The following CUL3 variants were observed in gnomAD, a reference collection of about 807,000 sequenced individuals.
CUL3 encodes the protein cullin 3, also known as cullin-3.
In CUL3, 19 loss-of-function variants were observed where a neutral mutation model predicts 89.1. The observed-to-expected ratio is 0.21, with a 90% CI of 0.15 to 0.31. CUL3 has a LOEUF of 0.31. CUL3 is among the 10% of genes least tolerant of loss of function. CUL3 has a pLI of 1.00. For synonymous variants in CUL3, 351 were observed against 308.4 expected (o/e 1.14, Z -1.45); for missense variants, 469 against 942.3 (o/e 0.50, Z 6.58).
intron 1 of CUL3, among the ~76,000 whole-genome samples, chr2:224,575,981 C>A (rs1028789996): frequency 2.6e-5 from 4 of 152,110 alleles, no homozygotes; most frequent in African/African-American, 7.2e-5. Context: ...AAAATAGAGG[C>A]TAGACATAAT....
At chr2:224,514,821 AATT>A (rs1229088208) in intron 3 of CUL3, 49 bp from the exon 4 acceptor site, 5 of 1,308,082 alleles carry the variant, frequency 3.8e-6, no homozygotes, top group Admixed American at 1.9e-5. Flanking sequence ...TGAGCATAAT[AATT>A]ATTGTGTGCT....
At chr2:224,534,391 T>C (rs1368235000) in intron 3 of CUL3, among the ~76,000 whole-genome samples, 2 of 152,202 alleles carry the variant, frequency 1.3e-5, no homozygotes, top group Non-Finnish European at 2.9e-5. Flanking sequence ...TGCACTGCAA[T>C]AATATACTAT....
chr2:224,497,223 T>C (rs985705799), intron 12 of CUL3, among the ~76,000 whole-genome samples: 12 of 152,100 alleles, frequency 7.9e-5, no homozygotes, highest in African/African-American at 1.9e-4. Flanking sequence ...GTAATGAAAA[T>C]AAATTATTAC....
Position 224,483,721 on chromosome 2 carries a change from C to T in CUL3, c.1843-1643G>A, listed in dbSNP as rs562932604. ...TAATTTCTTCAGATTTTTCAGCTAGCAAAAAGAGATTAAAGCTACAAGGAA... is the reference window on the plus strand; with the variant it reads ...TAATTTCTTCAGATTTTTCAGCTAGTAAAAAGAGATTAAAGCTACAAGGAA... On this transcript the variant is annotated intron_variant, in intron 13 of 15. Coordinates refer to ENST00000264414, the MANE Select transcript of CUL3 (RefSeq NM_003590.5). Among the ~76,000 whole-genome samples the T allele has an allele frequency of 3.9e-5, 6 of 152,094 alleles. No homozygotes were observed. The South Asian group carries it at 1.2e-3, about 32-fold the overall frequency.
intron 3 of CUL3, among the ~76,000 whole-genome samples, chr2:224,523,868 A>C (rs1473873546): frequency 6.6e-6 from 1 of 152,196 alleles, no homozygotes; most frequent in Non-Finnish European, 1.5e-5. Flanking sequence ...ATCAAATCAT[A>C]AACAGAGAAG....
intron 3 of CUL3, among the ~76,000 whole-genome samples, chr2:224,522,501 T>C (rs997174366): frequency 3.3e-5 from 5 of 152,174 alleles, no homozygotes; most frequent in African/African-American, 9.7e-5. Flanking sequence ...GCATATGATA[T>C]GGTGTCAAAA....
At chr2:224,509,716 T>C (rs575684125) in intron 6 of CUL3, among the ~76,000 whole-genome samples, 145 of 152,374 alleles carry the variant, frequency 9.5e-4, no homozygotes, top group African/African-American at 3.4e-3. Context: ...GTAATTCAGG[T>C]ATGCCCAACA....
intron 1 of CUL3, among the ~76,000 whole-genome samples, chr2:224,579,170 A>G (rs1695378789): frequency 6.6e-6 from 1 of 152,226 alleles, no homozygotes; most frequent in Non-Finnish European, 1.5e-5. Context: ...TTATTTTTCT[A>G]ACTTCTAAAG....
chr2:224,503,951 G>A (rs1263262913), intron 8 of CUL3, 129 bp from the exon 9 acceptor site: 3 of 672,002 alleles, frequency 4.5e-6, no homozygotes, highest in Middle Eastern at 4.3e-4. Flanking sequence ...ATCAAAAAAA[G>A]GGATACGGTT....
Position 224,585,160 on chromosome 2 carries a change from G to T in CUL3, c.-151C>A. 2.8e-6 allele frequency: 1 copy of T among 350,948 alleles called. No individual in the cohort carries two copies. Among genetic ancestry groups the T allele is most frequent in the Non-Finnish European group, 4.2e-6 (1 of 239,828 alleles). 21.7% of individuals were successfully genotyped at this position (350,948 alleles called of 1,614,324 possible). ...TGGGGAGCTGGCCGGCCCCTGGGCA[G>T]CCGCGGCGGCGGCGGGGGCGGCGGC... On this transcript the variant is annotated 5_prime_UTR_variant, in exon 1 of 16. It adds an upstream start codon to the 5' untranslated region. Transcript: ENST00000264414.
chr2:224,502,526 T>A (rs533881583), intron 10 of CUL3, among the ~76,000 whole-genome samples: 4 of 152,256 alleles, frequency 2.6e-5, no homozygotes, highest in African/African-American at 7.2e-5. Context: ...TAAGTCCCAT[T>A]TAAGCTAAAC....
chr2:224,570,212 C>G (rs116652639), intron 1 of CUL3, among the ~76,000 whole-genome samples: 57 of 152,190 alleles, frequency 3.7e-4, no homozygotes, highest in African/African-American at 1.3e-3. Context: ...GATGACCAAA[C>G]AGTATACAAC....
chr2:224,557,904 A>AAAAAAAAAAAC, intron 1 of CUL3, 48 bp from the exon 2 acceptor site: 1 of 1,069,900 alleles, frequency 9.3e-7, no homozygotes. Context: ...AAAAAAAAAA[A>AAAAAAAAAAAC]ACCAATGGTT....
At position 224,585,092 on chromosome 2, in the gene CUL3, G is replaced by A. The variant is rs1173656378; in HGVS notation, c.-83C>T. The A allele has an allele frequency of 6.1e-5, 69 of 1,138,510 alleles. No homozygotes were observed. The highest frequency in any genetic ancestry group is 8.1e-5 in the Non-Finnish European group (69 of 854,598). The allele number at this position is 1,138,510 out of a possible 1,614,324, so 70.5% of individuals were successfully genotyped here. On this transcript the variant is annotated 5_prime_UTR_variant, in exon 1 of 16. Coordinates refer to ENST00000264414, the MANE Select transcript of CUL3 (RefSeq NM_003590.5). ...CATTTAAGGCGGGCAGGCAGGCTAG[G>A]GGCGACGCTGGGGGCGGCGGCGGCG...
chr2:224,497,745 A>C lies in CUL3; in HGVS notation c.1707+8T>G. 6.3e-7 allele frequency: 1 copy of C among 1,599,586 alleles called. No homozygotes were observed. On this transcript the variant is annotated splice_region_variant and intron_variant, in intron 12 of 15. Transcript: ENST00000264414. Reference sequence around the variant, plus strand: ...GTTACTTAATACGTTCAAACTATCAATATTTACCTTTTTAACTGGTCCATA... The same window carrying C: ...GTTACTTAATACGTTCAAACTATCACTATTTACCTTTTTAACTGGTCCATA...
In CUL3 at chr2:224,482,197, C is replaced by T. The variant is rs191892944; in HGVS notation, c.1843-119G>A. On this transcript the variant is annotated intron_variant, in intron 13 of 15. Transcript: ENST00000264414. ...GTAATTCCATTAAATAAATAATGCA[C>T]AAAAAAGAATTCTCTTGAGTACTAT... The T allele has an allele frequency of 1.0e-3, 694 of 675,766 alleles. 3 individuals are homozygous for T. In the African/African-American group the frequency reaches 0.011, roughly 11 times the overall value. The allele number at this position is 675,766 out of a possible 1,614,324, so 41.9% of individuals were successfully genotyped here.
intron 1 of CUL3, among the ~76,000 whole-genome samples, chr2:224,562,126 T>G (rs1316578444): frequency 1.3e-5 from 2 of 152,188 alleles, no homozygotes; most frequent in Non-Finnish European, 2.9e-5. Flanking sequence ...TTTAAAACTA[T>G]AAAACCAAGA....
intron 1 of CUL3, among the ~76,000 whole-genome samples, chr2:224,579,190 T>G (rs917506708): frequency 6.6e-6 from 1 of 152,148 alleles, no homozygotes; most frequent in Non-Finnish European, 1.5e-5. Context: ...GTCATAGTAG[T>G]ACTAACAGCT....
At chr2:224,567,071 G>A (rs1401598388) in intron 1 of CUL3, among the ~76,000 whole-genome samples, 2 of 152,118 alleles carry the variant, frequency 1.3e-5, no homozygotes, top group Non-Finnish European at 2.9e-5. Context: ...GGGGCACGTC[G>A]AATGGGTTCC....
Sources: gnomAD v4.1 joint callset for allele counts (sites outside exome capture counted in the v4.1 genomes callset) on GRCh38, gnomAD v4.1.1 for gene constraint, MANE v1.5 for transcripts, NCBI Gene and HGNC (gene_info 2026-07-23, HGNC 2026-07-21) for gene names.